The following FRY variants were observed in gnomAD, a reference collection of about 807,000 sequenced individuals.
FRY encodes FRY microtubule binding protein.
Under a neutral mutation model 348.4 loss-of-function variants are expected in FRY, and 128 were observed. The observed-to-expected ratio is 0.37, with a 90% confidence interval of 0.32 to 0.43. The LOEUF (loss-of-function observed/expected upper bound fraction) is 0.43. Ranked by LOEUF, FRY falls within the 20% of genes least tolerant of loss-of-function variation. FRY has a pLI of 1.00. For synonymous variants in FRY, 1,370 were observed against 1,374.7 expected (o/e 1.00, Z 0.08); for missense variants, 2,736 against 3,695.2 (o/e 0.74, Z 6.73).
chr13:32,087,880 A>T (rs986653310), intron 2 of FRY, among the ~76,000 whole-genome samples: 3 of 152,216 alleles, frequency 2.0e-5, no homozygotes, highest in Admixed American at 6.5e-5. Flanking sequence ...TTGGATCTTT[A>T]TATGGCAGAT....
chr13:32,053,602 A>G (rs1045827913), intron 1 of FRY, among the ~76,000 whole-genome samples: 1 of 152,250 alleles, frequency 6.6e-6, no homozygotes, highest in African/African-American at 2.4e-5. Context: ...TTACAGGTCC[A>G]TAATGCCACA....
chr13:32,178,511 G>T (rs1330585956), intron 21 of FRY, 75 bp downstream of exon 21: 2 of 1,472,434 alleles, frequency 1.4e-6, no homozygotes, highest in Non-Finnish European at 1.9e-6. Flanking sequence ...TTGTGTAAGA[G>T]ATTGGGATGT....
rs141564295 is a variant in FRY, at chr13:32,070,864, A to C, written c.71-7970A>C. Among the ~76,000 whole-genome samples the C allele has an allele frequency of 2.8e-3, 429 of 152,296 alleles. 5 individuals carry two copies. The East Asian group carries it at 0.028, about 10-fold the overall frequency. On this transcript the variant is annotated intron_variant, in intron 1 of 60. Transcript: ENST00000542859. ...TTTTAGGTCTAACATTTAAGTCTTT[A>C]ATCCGTCTGGAATTAATTTTTGTGT...
chr13:32,152,810 A>G (rs1017702190), intron 14 of FRY, among the ~76,000 whole-genome samples: 33 of 152,200 alleles, frequency 2.2e-4, no homozygotes, highest in Non-Finnish European at 5.9e-5. Flanking sequence ...TTCAAAAAAC[A>G]GTTAAAGTGG....
intron 24 of FRY, among the ~76,000 whole-genome samples, chr13:32,183,400 G>A (rs1047955938): frequency 3.9e-5 from 6 of 152,190 alleles, no homozygotes; most frequent in African/African-American, 7.2e-5. Flanking sequence ...TCTGGCATAC[G>A]AGGCATTTTC....
chr13:32,268,321 A>G (rs1253523456), intron 55 of FRY, among the ~76,000 whole-genome samples: 1 of 151,998 alleles, frequency 6.6e-6, no homozygotes, highest in Non-Finnish European at 1.5e-5. Context: ...TTTGAAGGCC[A>G]TTGCAGTTAA....
In FRY at chr13:32,262,376, C is replaced by A; in HGVS notation, c.7680C>A (p.Asp2560Glu). The change falls in exon 53 of 61, where the codon GAC becomes GAA. Residue 2560 changes from aspartate (D) to glutamate (E), a missense_variant. Around this residue, in one of 9 missense-constraint regions of FRY, gnomAD observed 789 missense variants for 996.2 expected, o/e 0.79. Transcript: ENST00000542859. ...NPMELLTTACDSTPAEPHSFN... is the reference protein window; with the variant it reads ...NPMELLTTACESTPAEPHSFN... ...TGGAGCTGCTCACCACAGCCTGTGA[C>A]TCGACCCCTGCAGAACCTCATTCCT... 6.2e-7 allele frequency: 1 copy of A among 1,613,544 alleles called. No individual in the cohort carries two copies. The highest frequency in any genetic ancestry group is 1.1e-5 in the South Asian group (1 of 91,076).
chr13:32,175,030 T>A (rs1427353685), intron 19 of FRY, among the ~76,000 whole-genome samples: 4 of 152,180 alleles, frequency 2.6e-5, no homozygotes, highest in Admixed American at 2.0e-4. Context: ...CCAATTTGCA[T>A]CTTGTATCAA....
intron 1 of FRY, among the ~76,000 whole-genome samples, chr13:32,078,383 C>A (rs915298589): frequency 1.3e-5 from 2 of 152,098 alleles, no homozygotes; most frequent in African/African-American, 4.8e-5. Context: ...AAGGAATGAC[C>A]CCAGAGTCCT....
At chr13:32,266,900 C>T (rs1887951616) in intron 54 of FRY, among the ~76,000 whole-genome samples, 2 of 152,164 alleles carry the variant, frequency 1.3e-5, no homozygotes, top group South Asian at 4.1e-4. Flanking sequence ...ACGAGAATTG[C>T]TTGAACCCAC....
rs562461271 is a variant in FRY, at chr13:32,278,844, A to G, written c.8469+296A>G. 2.6e-5 allele frequency among the ~76,000 whole-genome samples: 4 copies of G among 152,326 alleles called. No homozygotes were observed. The East Asian group carries it at 7.7e-4, about 29-fold the overall frequency. ...TAAATTTATTCTTAATTCAGATTAT[A>G]AGGCCAAATTTCATTAATTCTTCAC... On this transcript the variant is annotated intron_variant, in intron 58 of 60. Coordinates refer to ENST00000542859, the MANE Select transcript of FRY (RefSeq NM_023037.3).
At chr13:32,175,177 G>A (rs538274934) in intron 19 of FRY, among the ~76,000 whole-genome samples, 4 of 152,202 alleles carry the variant, frequency 2.6e-5, no homozygotes, top group African/African-American at 9.6e-5. Flanking sequence ...ATTTTAGTTA[G>A]CAGTCTAACA....
Position 32,237,927 on chromosome 13 carries a change from T to A in FRY, c.6359T>A (p.Leu2120His), listed in dbSNP as rs1399061536. ...ACCACCACAGACCTGACCCTGCAGC[T>A]CTTCAGTCTGCTGACACCAGTGTCC... ...SLTTTDLTLQ[L>H]FSLLTPVSKI... The change falls in exon 44 of 61, where the codon CTC becomes CAC. Residue 2120 changes from leucine (L) to histidine (H), a missense_variant. Coordinates refer to ENST00000542859, the MANE Select transcript of FRY (RefSeq NM_023037.3). The surrounding 1 kb of genome is among the most constrained non-coding windows in gnomAD (Gnocchi z 6.3). 10 of 1,613,902 alleles carry A rather than the reference T, an allele frequency of 6.2e-6. No individual in the cohort carries two copies. The highest frequency in any genetic ancestry group is 8.5e-6 in the Non-Finnish European group (10 of 1,179,936).
At chr13:32,195,232 A>G (rs1212967373) in intron 29 of FRY, among the ~76,000 whole-genome samples, 1 of 151,018 alleles carries the variant, frequency 6.6e-6, no homozygotes, top group Admixed American at 6.6e-5. Context: ...TTTCAGCAGT[A>G]GAGTTTTTAT....
intron 1 of FRY, among the ~76,000 whole-genome samples, chr13:32,078,277 G>A (rs1424860870): frequency 3.3e-5 from 5 of 152,190 alleles, no homozygotes; most frequent in African/African-American, 1.2e-4. Flanking sequence ...ACGGCAAACA[G>A]AGCACTGCCT....
In FRY at chr13:32,262,326, T is replaced by TC. The variant is rs770896909; in HGVS notation, c.7635dup (p.Ser2546LeufsTer2). 1 of 1,612,746 alleles carries TC rather than the reference T, an allele frequency of 6.2e-7. No homozygotes were observed. The highest frequency in any genetic ancestry group is 8.5e-7 in the Non-Finnish European group (1 of 1,178,880). On this transcript the variant is annotated frameshift_variant, in exon 53 of 61. Transcript: ENST00000542859. LOFTEE classifies it high-confidence loss of function. ...GCTTTTTAAACAGATCATGACTCTC[T>TC]CCCCCTCTGAAGAGACGAATCCCAT... is the stretch of plus-strand genomic sequence containing the variant.
intron 7 of FRY, among the ~76,000 whole-genome samples, chr13:32,131,250 C>A (rs1879341706): frequency 6.6e-6 from 1 of 152,192 alleles, no homozygotes. Flanking sequence ...ATCCTTATAT[C>A]ATTTGCTGTC....
At chr13:32,266,582 A>G (rs1887936719) in intron 54 of FRY, among the ~76,000 whole-genome samples, 1 of 152,240 alleles carries the variant, frequency 6.6e-6, no homozygotes, top group South Asian at 2.1e-4. Flanking sequence ...AGTGAGAGGC[A>G]TTGCTGAAGG....
chr13:32,136,270 C>T (rs1445903040), intron 10 of FRY, among the ~76,000 whole-genome samples: 2 of 151,916 alleles, frequency 1.3e-5, no homozygotes, highest in African/African-American at 4.8e-5. Context: ...GGAAGCTGGC[C>T]CAGTTAGGCA....
Sources: allele counts gnomAD v4.1 joint callset (sites outside exome capture counted in the v4.1 genomes callset), GRCh38; gene constraint gnomAD v4.1.1; regional missense constraint gnomAD v4.1.1; non-coding constraint Gnocchi (gnomAD v3.1); transcripts MANE v1.5; gene names NCBI Gene and HGNC (gene_info 2026-07-23, HGNC 2026-07-21).